CAVIN2: variants seen among roughly 807,000 people sequenced by gnomAD.
CAVIN2 encodes the protein caveolae associated protein 2, also known as caveolae-associated protein 2.
A neutral mutation model predicts 11.7 loss-of-function variants in CAVIN2; 13 were observed. The ratio of observed to expected loss-of-function variants is 1.11; its 90% CI spans 0.72 to 1.77. The LOEUF is 1.77. Ranked by LOEUF, CAVIN2 falls within the 40% of genes most tolerant of loss-of-function variation. The probability of loss-of-function intolerance (pLI) is 0.00; values close to 1 mark genes in which losing one functional copy is unlikely to be tolerated. For missense variants in CAVIN2, 549 were observed against 542.9 expected (o/e 1.01, Z -0.11); for synonymous variants, 237 against 223.2 (o/e 1.06, Z -0.55).
In CAVIN2 at chr2:191,836,637, A is replaced by T; in HGVS notation, c.564T>A (p.Asp188Glu). Residue 188 changes from aspartate to glutamate, a missense_variant, in exon 2 of 2, where the codon GAT becomes GAA. Physicochemically the swap from Asp to Glu is conservative, Grantham distance 45. Coordinates refer to ENST00000304141, the MANE Select transcript of CAVIN2 (RefSeq NM_004657.6). ...GAVEGKEELP[D>E]ENKSLEETLH... ...GGGTTTCCTCCAGGGATTTGTTTTC[A>T]TCCGGAAGCTCCTCCTTCCCTTCCA... The T allele has an allele frequency of 6.2e-7, 1 of 1,613,974 alleles. No homozygotes were observed.
rs193109386 is a variant in CAVIN2, at chr2:191,840,075, T to C, written c.484-3358A>G. Among the ~76,000 whole-genome samples, 502 of 152,316 alleles carry C rather than the reference T, an allele frequency of 3.3e-3. 5 individuals carry two copies. Among genetic ancestry groups the C allele is most frequent in the African/African-American group, 0.011 (476 of 41,572 alleles). On this transcript the variant is annotated intron_variant, in intron 1 of 1. Transcript: ENST00000304141. ...TAATCTCACCTGCACACGTGCCCTG[T>C]GCTCAAGCTCCCCCACACACCTCGT...
In CAVIN2 at chr2:191,846,427, C is replaced by A; in HGVS notation, c.483+16G>T. On this transcript the variant is annotated intron_variant, in intron 1 of 1. Transcript: ENST00000304141. ...GAGTTCCAGCCCGCCTGTAAGGAGG[C>A]ATAGGGGGAACTGACCTGGAAGATG... 1 of 1,601,054 alleles carries A rather than the reference C, an allele frequency of 6.2e-7. No homozygotes were observed. The highest frequency in any genetic ancestry group is 8.5e-7 in the Non-Finnish European group (1 of 1,172,902).
At position 191,835,984 on chromosome 2, in the gene CAVIN2, G is replaced by A. The variant is rs1191492992; in HGVS notation, c.1217C>T (p.Ala406Val). 1.2e-6 allele frequency: 2 copies of A among 1,613,976 alleles called. No individual in the cohort carries two copies. The highest frequency in any genetic ancestry group is 2.7e-5 in the African/African-American group (2 of 74,924). The change falls in exon 2 of 2, where the codon GCG becomes GTG. Residue 406 changes from alanine to valine, a missense_variant. Ala to Val is a moderately conservative substitution (Grantham distance 64). Transcript: ENST00000304141. ...EGSYALTSEE[A>V]ERSDGDPVQP... ...CACGGGGTCCCCATCGGAGCGCTCC[G>A]CCTCCTCGGATGTTAGCGCGTAGCT...
rs993213514 is a variant in CAVIN2 at position 191,836,808 on chromosome 2, A to G, written c.484-91T>C. ...TAATACGTGTGTCTGTTTTGGAGAC[A>G]CGGTGATGGTAAAAAAACAAATGTT... On this transcript the variant is annotated intron_variant, in intron 1 of 1. Coordinates refer to ENST00000304141, the MANE Select transcript of CAVIN2 (RefSeq NM_004657.6). The G allele has an allele frequency of 1.9e-5, 23 of 1,222,062 alleles. No individual in the cohort carries two copies. In the Admixed American group the frequency reaches 2.2e-4, roughly 12 times the overall value. The allele number at this position is 1,222,062 out of a possible 1,614,324, so 75.7% of individuals were successfully genotyped here. A position where few individuals can be genotyped will look rare whatever the true frequency, so the allele number is the denominator to read the frequency against.
chr2:191,846,699 T>C lies in CAVIN2; in HGVS notation c.227A>G (p.Gln76Arg), dbSNP rs1256075819. The change falls in exon 1 of 2, where the codon CAG becomes CGG. Residue 76 changes from glutamine (Q) to arginine (R), a missense_variant. By Grantham distance (43) the Gln-to-Arg change is conservative. Coordinates refer to ENST00000304141, the MANE Select transcript of CAVIN2 (RefSeq NM_004657.6). The part of the protein sequence containing the change: ...VNMLDAVQEN[Q>R]HKMEQRQISL... ...GATCTGTCGCTGCTCCATCTTGTGC[T>C]GGTTCTCCTGCACAGCGTCTAGCAT... 2 of 1,614,208 alleles carry C rather than the reference T, an allele frequency of 1.2e-6. No individual in the cohort carries two copies. Among genetic ancestry groups the C allele is most frequent in the East Asian group, 4.5e-5 (2 of 44,868 alleles).
chr2:191,836,127 C>T lies in CAVIN2; in HGVS notation c.1074G>A (p.Lys358=). 6.2e-7 allele frequency: 1 copy of T among 1,614,216 alleles called. No individual in the cohort carries two copies. ...EGEIAEEAAE[K]ATSRGSNSGM... is the part of the protein sequence containing the mutation. Reference sequence around the variant, plus strand: ...CCGAGTTACTCCCCCTGGAGGTCGCCTTCTCAGCAGCCTCCTCTGCAATTT... The same window carrying T: ...CCGAGTTACTCCCCCTGGAGGTCGCTTTCTCAGCAGCCTCCTCTGCAATTT... The change falls in exon 2 of 2, where the codon AAG becomes AAA. Residue 358 remains lysine (K), a synonymous_variant. Coordinates refer to ENST00000304141, the MANE Select transcript of CAVIN2 (RefSeq NM_004657.6).
At chr2:191,838,353 T>A (rs1336316826) in intron 1 of CAVIN2, among the ~76,000 whole-genome samples, 1 of 152,214 alleles carries the variant, frequency 6.6e-6, no homozygotes, top group Non-Finnish European at 1.5e-5. Flanking sequence ...AGAATTATGA[T>A]ATTCCTTGAA....
At chr2:191,836,944 C>A (rs1690031257) in intron 1 of CAVIN2, among the ~76,000 whole-genome samples, 1 of 152,144 alleles carries the variant, frequency 6.6e-6, no homozygotes. Flanking sequence ...GGAGGACAAC[C>A]GGCAGAAACT....
In CAVIN2 at chr2:191,846,512, C is replaced by T; in HGVS notation, c.414G>A (p.Gln138=). The T allele has an allele frequency of 6.2e-7, 1 of 1,614,258 alleles. No individual in the cohort carries two copies. Among genetic ancestry groups the T allele is most frequent in the Non-Finnish European group, 8.5e-7 (1 of 1,180,044 alleles). Residue 138 remains glutamine (Q), a synonymous_variant, in exon 1 of 2, where the codon CAG becomes CAA. Coordinates refer to ENST00000304141, the MANE Select transcript of CAVIN2 (RefSeq NM_004657.6). ...VKERMDRQCA[Q]VKRLENNHAQ... is the part of the protein sequence containing the mutation. The stretch of plus-strand genomic sequence containing the variant: ...CGTGGTTGTTCTCCAGCCGCTTCAC[C>T]TGTGCGCACTGCCTATCCATGCGCT...
chr2:191,840,780 A>G (rs1021643026), intron 1 of CAVIN2, among the ~76,000 whole-genome samples: 1 of 152,218 alleles, frequency 6.6e-6, no homozygotes, highest in Non-Finnish European at 1.5e-5. Context: ...AAAGGAAATC[A>G]TGGTAAGTCA....
chr2:191,835,590 A>G lies in CAVIN2; in HGVS notation c.*333T>C, dbSNP rs1256522528. The G allele has an allele frequency of 7.4e-6, 2 of 271,052 alleles. No individual in the cohort carries two copies. The highest frequency in any genetic ancestry group is 1.4e-5 in the Non-Finnish European group (2 of 142,648). 16.8% of individuals were successfully genotyped at this position (271,052 alleles called of 1,614,324 possible). On this transcript the variant is annotated 3_prime_UTR_variant, in exon 2 of 2. Coordinates refer to ENST00000304141, the MANE Select transcript of CAVIN2 (RefSeq NM_004657.6). ...GCTTATGGAATGACAAAAAAGAATGAATCACTTTTCATGACTAGTATCTTA... is the reference window on the plus strand; with the variant it reads ...GCTTATGGAATGACAAAAAAGAATGGATCACTTTTCATGACTAGTATCTTA...
intron 1 of CAVIN2, among the ~76,000 whole-genome samples, chr2:191,837,612 T>G (rs1690041543): frequency 6.6e-6 from 1 of 152,142 alleles, no homozygotes; most frequent in Admixed American, 6.5e-5. Flanking sequence ...CAAAGATGGC[T>G]CCTCTTGGCT....
chr2:191,846,984 G>T lies in CAVIN2; in HGVS notation c.-59C>A. 6.5e-7 allele frequency: 1 copy of T among 1,539,976 alleles called. No individual in the cohort carries two copies. ...GAGCTGCTTCTTGCTCGGGTGAGAA[G>T]TTGCGGTGGTGAGGGTGTAGGATGA... On this transcript the variant is annotated 5_prime_UTR_variant, in exon 1 of 2. Coordinates refer to ENST00000304141, the MANE Select transcript of CAVIN2 (RefSeq NM_004657.6).
chr2:191,838,269 T>C (rs1690049191), intron 1 of CAVIN2, among the ~76,000 whole-genome samples: 1 of 152,182 alleles, frequency 6.6e-6, no homozygotes, highest in African/African-American at 2.4e-5. Flanking sequence ...TTATATTTGA[T>C]ACAAAGACTA....
intron 1 of CAVIN2, among the ~76,000 whole-genome samples, chr2:191,839,607 C>G (rs957345221): frequency 2.0e-5 from 3 of 152,002 alleles, no homozygotes; most frequent in Admixed American, 2.0e-4. Flanking sequence ...TATATGAGAG[C>G]TTTTTTGATG....
intron 1 of CAVIN2, among the ~76,000 whole-genome samples, chr2:191,842,922 G>A (rs909118861): frequency 5.3e-5 from 8 of 152,340 alleles, no homozygotes; most frequent in East Asian, 3.9e-4. Context: ...AGTGGCTCAC[G>A]CCTATAATCC....
Position 191,836,324 on chromosome 2 carries a change from A to G in CAVIN2, c.877T>C (p.Ser293Pro). 1 of 1,614,050 alleles carries G rather than the reference A, an allele frequency of 6.2e-7. No homozygotes were observed. Among genetic ancestry groups the G allele is most frequent in the Non-Finnish European group, 8.5e-7 (1 of 1,180,010 alleles). The change falls in exon 2 of 2, where the codon TCT becomes CCT. Residue 293 changes from serine (S) to proline (P), a missense_variant. Coordinates refer to ENST00000304141, the MANE Select transcript of CAVIN2 (RefSeq NM_004657.6). ...SSGKSSPFKV[S>P]PLTFGRKKVR... Reference sequence around the variant, plus strand: ...TTCTTCCGCCCGAAAGTGAGGGGAGAAACCTTGAAGGGGGAGCTTTTTCCT... The same window carrying G: ...TTCTTCCGCCCGAAAGTGAGGGGAGGAACCTTGAAGGGGGAGCTTTTTCCT...
chr2:191,844,965 A>C (rs990879252), intron 1 of CAVIN2, among the ~76,000 whole-genome samples: 7 of 152,184 alleles, frequency 4.6e-5, no homozygotes, highest in Non-Finnish European at 2.9e-5. Context: ...TCTCAGACTT[A>C]AACAGGTCTG....
At position 191,836,346 on chromosome 2, in the gene CAVIN2, T is replaced by C. The variant is rs780423880; in HGVS notation, c.855A>G (p.Gly285=). 5 of 1,614,068 alleles carry C rather than the reference T, an allele frequency of 3.1e-6. No individual in the cohort carries two copies. The South Asian group carries it at 3.3e-5, about 11-fold the overall frequency. ...GAGAAACCTTGAAGGGGGAGCTTTT[T>C]CCTGAGGATATTTTCTGGTGATTTG... ...LTSNHQKISS[G]KSSPFKVSPL... is the part of the protein sequence containing the mutation. Residue 285 remains glycine (G), a synonymous_variant, in exon 2 of 2, where the codon GGA becomes GGG. Transcript: ENST00000304141.
Sources: allele counts gnomAD v4.1 joint callset (sites outside exome capture counted in the v4.1 genomes callset), GRCh38; gene constraint gnomAD v4.1.1; transcripts MANE v1.5; gene names NCBI Gene and HGNC (gene_info 2026-07-23, HGNC 2026-07-21).